Variants in OSBPL5 observed in about 807,000 individuals in gnomAD.
OSBPL5 encodes the protein oxysterol-binding protein-related protein 5.
Under a neutral mutation model 111.2 loss-of-function variants are expected in OSBPL5, and 71 were observed. That is an observed-to-expected ratio of 0.64 (90% CI 0.53 to 0.78). OSBPL5 has a LOEUF of 0.78. OSBPL5 is among the 30% of genes least tolerant of loss of function. The probability of loss-of-function intolerance (pLI) is 0.00; values close to 1 mark genes in which losing one functional copy is unlikely to be tolerated. For synonymous variants in OSBPL5, 549 were observed against 513.9 expected (o/e 1.07, Z -0.93); for missense variants, 1,210 against 1,189.3 (o/e 1.02, Z -0.26).
chr11:3,136,887 C>T (rs528022175), intron 1 of OSBPL5, among the ~76,000 whole-genome samples: 3 of 152,364 alleles, frequency 2.0e-5, no homozygotes, highest in Non-Finnish European at 2.9e-5. Flanking sequence ...CAGTAACATC[C>T]GGCACAGATG....
rs111258156 is a variant in OSBPL5 at position 3,123,107 on chromosome 11, C to T, written c.220-679G>A. 4.1e-3 allele frequency among the ~76,000 whole-genome samples: 618 copies of T among 152,272 alleles called. 4 individuals are homozygous for T. Among genetic ancestry groups the T allele is most frequent in the African/African-American group, 0.014 (588 of 41,560 alleles). ...GTGGGCAGAGGTCACTGTCCAGGTC[C>T]GAACCTGACCCCAGCATGTGGCTGA... is the stretch of plus-strand genomic sequence containing the variant. On this transcript the variant is annotated intron_variant, in intron 3 of 21. Coordinates refer to ENST00000263650, the MANE Select transcript of OSBPL5 (RefSeq NM_020896.4).
At chr11:3,164,982 C>T (rs1246765752) in intron 1 of OSBPL5, among the ~76,000 whole-genome samples, 1 of 148,752 alleles carries the variant, frequency 6.7e-6, no homozygotes, top group African/African-American at 2.6e-5. Context: ...GCCCGGGGCG[C>T]CCCCAGGCTC....
chr11:3,133,983 G>A (rs1424267032), intron 1 of OSBPL5, among the ~76,000 whole-genome samples: 1 of 121,700 alleles, frequency 8.2e-6, no homozygotes, highest in Non-Finnish European at 1.8e-5. Context: ...GGGGCTTGGT[G>A]GGGGGGGGGT....
At position 3,140,923 on chromosome 11, in the gene OSBPL5, G is replaced by A. The variant is rs1279223020; in HGVS notation, c.-21-11754C>T. ...ACAGCCCAGGGGGCCCTGGGGCCAG[G>A]TGACCACCTCAGAGCCACTCCTTCC... is the stretch of plus-strand genomic sequence containing the variant. On this transcript the variant is annotated intron_variant, in intron 1 of 21. Transcript: ENST00000263650. The surrounding 1 kb of genome is among the most constrained non-coding windows in gnomAD (Gnocchi z 4.5). 1.3e-5 allele frequency among the ~76,000 whole-genome samples: 2 copies of A among 152,020 alleles called. No homozygotes were observed. The highest frequency in any genetic ancestry group is 4.8e-5 in the African/African-American group (2 of 41,386).
intron 14 of OSBPL5, chr11:3,094,625 C>T: frequency 4.9e-6 from 2 of 407,436 alleles, no homozygotes; most frequent in Non-Finnish European, 9.1e-6. Flanking sequence ...ACTAAGGGGG[C>T]TCTGTCCTCG....
intron 1 of OSBPL5, among the ~76,000 whole-genome samples, chr11:3,157,387 C>T (rs1846806131): frequency 6.6e-6 from 1 of 152,156 alleles, no homozygotes; most frequent in Non-Finnish European, 1.5e-5. Flanking sequence ...GGTGACGTCC[C>T]CAGGAGACCC....
intron 1 of OSBPL5, among the ~76,000 whole-genome samples, chr11:3,158,639 C>G (rs1485039523): frequency 6.6e-6 from 1 of 152,226 alleles, no homozygotes; most frequent in Non-Finnish European, 1.5e-5. Context: ...GGTGCATGGT[C>G]AGTGACACAT....
chr11:3,120,121 G>C, intron 6 of OSBPL5: 1 of 527,206 alleles, frequency 1.9e-6, no homozygotes, highest in Non-Finnish European at 3.4e-6. Context: ...GTGAGGGCTG[G>C]GCGCTGTTCC....
chr11:3,129,238 G>A, intron 1 of OSBPL5, 69 bp from the exon 2 acceptor site: 5 of 1,319,246 alleles, frequency 3.8e-6, no homozygotes, highest in Non-Finnish European at 4.9e-6. Flanking sequence ...CACATGGTGG[G>A]GGTGCCCCTG....
chr11:3,112,047 A>ATGTGTGCATGTGTGTGTATG (rs1857986519), intron 7 of OSBPL5, among the ~76,000 whole-genome samples: 1 of 66,812 alleles, frequency 1.5e-5, no homozygotes, highest in African/African-American at 7.6e-5. Flanking sequence ...GTGTGCGCGC[A>ATGTGTGCATGTGTGTGTATG]TGTGTGTGCA....
intron 3 of OSBPL5, among the ~76,000 whole-genome samples, chr11:3,125,178 G>C (rs1460756749): frequency 6.6e-6 from 1 of 152,218 alleles, no homozygotes; most frequent in East Asian, 1.9e-4. Context: ...GAGAAGTGCT[G>C]CTCAGAACTG....
In OSBPL5 at chr11:3,126,473, C is replaced by A. The variant is rs765547630; in HGVS notation, c.219G>T (p.Pro73=). ...PTPSSATKVP[P]AEYRLCNGSD... ...GATCCTCCTATACCCAGGCTCTTACCGGTGGCACCTTCGTGGCAGAGCTTG... is the reference window on the plus strand; with the variant it reads ...GATCCTCCTATACCCAGGCTCTTACAGGTGGCACCTTCGTGGCAGAGCTTG... Residue 73 remains proline, a splice_region_variant and synonymous_variant, in exon 3 of 22, where the codon CCG becomes CCT. Coordinates refer to ENST00000263650, the MANE Select transcript of OSBPL5 (RefSeq NM_020896.4). The surrounding 1 kb of genome is among the most constrained non-coding windows in gnomAD (Gnocchi z 6.5). The A allele has an allele frequency of 1.2e-6, 2 of 1,607,972 alleles. No homozygotes were observed. The highest frequency in any genetic ancestry group is 2.7e-5 in the African/African-American group (2 of 74,912).
Position 3,154,383 on chromosome 11 carries a change from G to A in OSBPL5, c.-22+10833C>T, listed in dbSNP as rs537963004. Reference sequence around the variant, plus strand: ...CCGGTGGGACAGAGTGGCTGACGGCGTGTGGCACAGGCGGGGTGAGCCCGG... The same window carrying A: ...CCGGTGGGACAGAGTGGCTGACGGCATGTGGCACAGGCGGGGTGAGCCCGG... On this transcript the variant is annotated intron_variant, in intron 1 of 21. Transcript: ENST00000263650. The surrounding 1 kb of genome is among the most constrained non-coding windows in gnomAD (Gnocchi z 4.9). 1.7e-3 allele frequency among the ~76,000 whole-genome samples: 261 copies of A among 152,354 alleles called. No individual in the cohort carries two copies. Among genetic ancestry groups the A allele is most frequent in the African/African-American group, 5.8e-3 (243 of 41,594 alleles).
chr11:3,148,591 C>A (rs1241878268), intron 1 of OSBPL5, among the ~76,000 whole-genome samples: 1 of 152,236 alleles, frequency 6.6e-6, no homozygotes, highest in South Asian at 2.1e-4. Context: ...GCGGGGGCAC[C>A]GTCCTCTGCA....
At chr11:3,151,600 C>A (rs921898711) in intron 1 of OSBPL5, among the ~76,000 whole-genome samples, 2 of 152,208 alleles carry the variant, frequency 1.3e-5, no homozygotes, top group Non-Finnish European at 2.9e-5. Context: ...GAAGATGAAG[C>A]CTCATGTACC....
Position 3,162,166 on chromosome 11 carries a change from G to T in OSBPL5, c.-22+3050C>A, listed in dbSNP as rs897488933. ...CATGCTGGCTGCTGGCTGGAGAAGG[G>T]CTAGGAAGGCCACGAAAGGGGAGCC... On this transcript the variant is annotated intron_variant, in intron 1 of 21. Coordinates refer to ENST00000263650, the MANE Select transcript of OSBPL5 (RefSeq NM_020896.4). This position sits in a 1 kb window ranked among gnomAD's most constrained non-coding sequence, Gnocchi z 8.1. Among the ~76,000 whole-genome samples, 1 of 152,146 alleles carries T rather than the reference G, an allele frequency of 6.6e-6. No homozygotes were observed. Among genetic ancestry groups the T allele is most frequent in the Non-Finnish European group, 1.5e-5 (1 of 68,024 alleles).
intron 1 of OSBPL5, among the ~76,000 whole-genome samples, chr11:3,144,139 A>G (rs1027558346): frequency 1.3e-5 from 2 of 152,160 alleles, no homozygotes; most frequent in African/African-American, 4.8e-5. Context: ...GAGGTGGTTC[A>G]AGCAGGCTGC....
Position 3,092,678 on chromosome 11 carries a change from C to T in OSBPL5, c.2133-120G>A. 2 of 1,389,248 alleles carry T rather than the reference C, an allele frequency of 1.4e-6. No homozygotes were observed. The highest frequency in any genetic ancestry group is 2.5e-5 in the East Asian group (1 of 39,548). The allele number at this position is 1,389,248 out of a possible 1,614,324, so 86.1% of individuals were successfully genotyped here. A position where few individuals can be genotyped will look rare whatever the true frequency, so the allele number is the denominator to read the frequency against. ...AGACCTCCAGGAGAATGACCACTGC[C>T]CACACCCCATGGGCAGGGCCTGCAG... On this transcript the variant is annotated intron_variant, in intron 18 of 21. Coordinates refer to ENST00000263650, the MANE Select transcript of OSBPL5 (RefSeq NM_020896.4). The surrounding 1 kb of genome is among the most constrained non-coding windows in gnomAD (Gnocchi z 5.4).
At chr11:3,102,101 C>T in intron 12 of OSBPL5, 82 bp downstream of exon 12, 1 of 1,431,726 alleles carries the variant, frequency 7.0e-7, no homozygotes, top group Non-Finnish European at 9.5e-7. Flanking sequence ...CTTGCCCCTG[C>T]CTGCTGCCAG....
Sources: gnomAD v4.1 joint callset for allele counts (sites outside exome capture counted in the v4.1 genomes callset) on GRCh38, gnomAD v4.1.1 for gene constraint, Gnocchi (gnomAD v3.1) non-coding constraint, MANE v1.5 for transcripts, NCBI Gene and HGNC (gene_info 2026-07-23, HGNC 2026-07-21) for gene names.